Variants in HTR1D observed in about 807,000 individuals in gnomAD.
HTR1D encodes the protein 5-HT-1D.
HTR1D carries 18 observed loss-of-function variants against 21.1 expected under a neutral mutation model. That is an observed-to-expected ratio of 0.85 (90% CI 0.59 to 1.27). The LOEUF (loss-of-function observed/expected upper bound fraction) is 1.27, where lower values mean the gene tolerates loss of function less well. Ranked by LOEUF, HTR1D falls within the 50% of genes most tolerant of loss-of-function variation. The pLI, the probability that HTR1D is intolerant of heterozygous loss-of-function variation, is 0.00. For synonymous variants in HTR1D, 196 were observed against 204.4 expected (o/e 0.96, Z 0.35); for missense variants, 456 against 481.4 (o/e 0.95, Z 0.49).
intron 1 of HTR1D, among the ~76,000 whole-genome samples, chr1:23,216,051 T>C (rs1206700413): frequency 6.6e-6 from 1 of 152,174 alleles, no homozygotes; most frequent in African/African-American, 2.4e-5. Flanking sequence ...TCCCCACCAG[T>C]GGAGCAGGAC....
intron 1 of HTR1D, among the ~76,000 whole-genome samples, chr1:23,214,488 G>A (rs1644765966): frequency 6.6e-6 from 1 of 151,936 alleles, no homozygotes; most frequent in South Asian, 2.1e-4. Flanking sequence ...ACTTCACTCT[G>A]AATAAAATTC....
chr1:23,206,160 G>A (rs1644729976), intron 1 of HTR1D, among the ~76,000 whole-genome samples: 1 of 151,990 alleles, frequency 6.6e-6, no homozygotes, highest in Non-Finnish European at 1.5e-5. Flanking sequence ...TCCTGCCTCA[G>A]CCTCCCGAGT....
intron 1 of HTR1D, among the ~76,000 whole-genome samples, chr1:23,199,225 C>G (rs977564783): frequency 3.3e-5 from 5 of 152,014 alleles, no homozygotes; most frequent in African/African-American, 1.2e-4. Context: ...GTGATCCTCC[C>G]ACCTCAGCCT....
rs373700942 is a variant in HTR1D at position 23,204,273 on chromosome 1, T to G, written c.-782-9272A>C. On this transcript the variant is annotated intron_variant, in intron 1 of 1. Coordinates refer to ENST00000374619, the MANE Select transcript of HTR1D (RefSeq NM_000864.5). ...CCCGAGTAGCTGGGACTACAGGCACTGGCCACCACGCCTGGATAATTTTTG... is the reference window on the plus strand; with the variant it reads ...CCCGAGTAGCTGGGACTACAGGCACGGGCCACCACGCCTGGATAATTTTTG... Among the ~76,000 whole-genome samples, 8 of 152,186 alleles carry G rather than the reference T, an allele frequency of 5.3e-5. No homozygotes were observed. The East Asian group carries it at 1.5e-3, about 29-fold the overall frequency.
chr1:23,206,599 C>T (rs1179596860), intron 1 of HTR1D, among the ~76,000 whole-genome samples: 2 of 152,184 alleles, frequency 1.3e-5, no homozygotes, highest in Non-Finnish European at 2.9e-5. Context: ...TCCTTTGTCC[C>T]TGCTGTGTCC....
intron 1 of HTR1D, among the ~76,000 whole-genome samples, chr1:23,215,497 C>A (rs564237892): frequency 3.3e-4 from 51 of 152,330 alleles, no homozygotes; most frequent in African/African-American, 1.2e-3. Flanking sequence ...GACCCCTGCC[C>A]CTCTGTGGGC....
Position 23,193,002 on chromosome 1 carries a change from C to A in HTR1D, c.*84G>T. 3 of 821,532 alleles carry A rather than the reference C, an allele frequency of 3.7e-6. No individual in the cohort carries two copies. The highest frequency in any genetic ancestry group is 5.4e-6 in the Non-Finnish European group (3 of 555,526). The allele number at this position is 821,532 out of a possible 1,614,324, so 50.9% of individuals were successfully genotyped here. Reference sequence around the variant, plus strand: ...CAAGATACCATGAATTAATCCAAGTCTCAGAAAATAATTAAAAAAAAAAAA... The same window carrying A: ...CAAGATACCATGAATTAATCCAAGTATCAGAAAATAATTAAAAAAAAAAAA... On this transcript the variant is annotated 3_prime_UTR_variant, in exon 2 of 2. Transcript: ENST00000374619.
chr1:23,211,892 A>G (rs1644755016), intron 1 of HTR1D, among the ~76,000 whole-genome samples: 1 of 151,810 alleles, frequency 6.6e-6, no homozygotes, highest in Non-Finnish European at 1.5e-5. Context: ...TTGAACTCCT[A>G]AGTTCAAGTG....
chr1:23,206,104 C>G (rs1354859862), intron 1 of HTR1D, among the ~76,000 whole-genome samples: 1 of 151,694 alleles, frequency 6.6e-6, no homozygotes, highest in Non-Finnish European at 1.5e-5. Flanking sequence ...TGCAGTGGTG[C>G]GATCTCGGCT....
At chr1:23,200,761 C>CT (rs1279934526) in intron 1 of HTR1D, among the ~76,000 whole-genome samples, 1 of 152,214 alleles carries the variant, frequency 6.6e-6, no homozygotes, top group Non-Finnish European at 1.5e-5. Context: ...AACAACATCA[C>CT]TTCCCTCACC....
At chr1:23,196,288 A>C (rs1461991387) in intron 1 of HTR1D, among the ~76,000 whole-genome samples, 1 of 152,042 alleles carries the variant, frequency 6.6e-6, no homozygotes, top group Non-Finnish European at 1.5e-5. Context: ...CTACTAAAAA[A>C]ACAAAATTAG....
rs1644667288 is a variant in HTR1D at position 23,193,239 on chromosome 1, G to A, written c.981C>T (p.Cys327=). The A allele has an allele frequency of 7.4e-6, 12 of 1,614,170 alleles. No homozygotes were observed. The highest frequency in any genetic ancestry group is 1.0e-5 in the Non-Finnish European group (12 of 1,180,036). The change falls in exon 2 of 2, where the codon TGC becomes TGT. Residue 327 remains cysteine (C), a synonymous_variant. Coordinates refer to ENST00000374619, the MANE Select transcript of HTR1D (RefSeq NM_000864.5). The part of the protein sequence containing the change: ...FFVVSLVLPI[C]RDSCWIHPAL... ...CCGGGTGGATCCAGCAGGAGTCCCGGCAGATGGGGAGGACCAGAGACACCA... is the reference window on the plus strand; with the variant it reads ...CCGGGTGGATCCAGCAGGAGTCCCGACAGATGGGGAGGACCAGAGACACCA...
At chr1:23,198,883 A>G (rs375131762) in intron 1 of HTR1D, among the ~76,000 whole-genome samples, 29 of 152,314 alleles carry the variant, frequency 1.9e-4, no homozygotes, top group African/African-American at 6.5e-4. Flanking sequence ...ATATAATCAT[A>G]AAGGGTTTTA....
chr1:23,201,624 T>C (rs1403085810), intron 1 of HTR1D, among the ~76,000 whole-genome samples: 1 of 152,172 alleles, frequency 6.6e-6, no homozygotes, highest in Non-Finnish European at 1.5e-5. Context: ...ATCATGGCTC[T>C]CACTGCAGCC....
rs1644682169 is a variant in HTR1D at position 23,194,934 on chromosome 1, A to G, written c.-715T>C. Reference sequence around the variant, plus strand: ...CTGGTTACCAAGACTCGAAGAATGCATAAGCTGGGACCAGGCAAAACAAAC... The same window carrying G: ...CTGGTTACCAAGACTCGAAGAATGCGTAAGCTGGGACCAGGCAAAACAAAC... On this transcript the variant is annotated 5_prime_UTR_variant, in exon 2 of 2. It removes an upstream start codon present in the reference 5' UTR. Transcript: ENST00000374619. Among the ~76,000 whole-genome samples, 1 of 152,224 alleles carries G rather than the reference A, an allele frequency of 6.6e-6. No homozygotes were observed. The highest frequency in any genetic ancestry group is 2.4e-5 in the African/African-American group (1 of 41,446).
chr1:23,212,298 C>T (rs182879861), intron 1 of HTR1D, among the ~76,000 whole-genome samples: 4 of 152,284 alleles, frequency 2.6e-5, no homozygotes, highest in East Asian at 1.9e-4. Flanking sequence ...TTGCTTACCC[C>T]ACCCCTGTCT....
chr1:23,196,669 T>G (rs1301690072), intron 1 of HTR1D, among the ~76,000 whole-genome samples: 1 of 152,204 alleles, frequency 6.6e-6, no homozygotes, highest in African/African-American at 2.4e-5. Context: ...TTTCAGGCAC[T>G]GAGCTAGCTT....
chr1:23,197,008 A>T (rs920425506), intron 1 of HTR1D, among the ~76,000 whole-genome samples: 12 of 151,952 alleles, frequency 7.9e-5, no homozygotes, highest in Non-Finnish European at 5.9e-5. Context: ...CTCGTTTGAA[A>T]CTTTCTTCCC....
chr1:23,193,603 A>G lies in HTR1D; in HGVS notation c.617T>C (p.Phe206Ser). 1 of 1,614,120 alleles carries G rather than the reference A, an allele frequency of 6.2e-7. No homozygotes were observed. Among genetic ancestry groups the G allele is most frequent in the Non-Finnish European group, 8.5e-7 (1 of 1,180,008 alleles). ...GATGAGCAACACCGAGGGAATGTAGAAGGCCCCACAGGTGGAGTAGATGGT... is the reference window on the plus strand; with the variant it reads ...GATGAGCAACACCGAGGGAATGTAGGAGGCCCCACAGGTGGAGTAGATGGT... The part of the protein sequence containing the change: ...SYTIYSTCGA[F>S]YIPSVLLIIL... The change falls in exon 2 of 2, where the codon TTC becomes TCC. Residue 206 changes from phenylalanine (F) to serine (S), a missense_variant. Phe to Ser is a radical substitution (Grantham distance 155). Coordinates refer to ENST00000374619, the MANE Select transcript of HTR1D (RefSeq NM_000864.5).
Sources: gnomAD v4.1 joint callset for allele counts (sites outside exome capture counted in the v4.1 genomes callset) on GRCh38, gnomAD v4.1.1 for gene constraint, MANE v1.5 for transcripts, NCBI Gene and HGNC (gene_info 2026-07-23, HGNC 2026-07-21) for gene names.